The following RAB27B variants were observed in gnomAD, a reference collection of about 807,000 sequenced individuals.
RAB27B encodes ras-related protein Rab-27B.
Under a neutral mutation model 24.6 loss-of-function variants are expected in RAB27B, and 15 were observed. The ratio of observed to expected loss-of-function variants is 0.61; its 90% CI spans 0.41 to 0.94. The LOEUF (loss-of-function observed/expected upper bound fraction) is 0.94, where lower values mean the gene tolerates loss of function less well. Among genes scored for constraint, RAB27B ranks in the 40% least tolerant of loss-of-function variants. The pLI, the probability that RAB27B is intolerant of heterozygous loss-of-function variation, is 0.00. For synonymous variants in RAB27B, 105 were observed against 92.5 expected, an observed-to-expected ratio of 1.14 and a Z score of -0.78; for missense variants, 261 against 266.8, an observed-to-expected ratio of 0.98 and a Z score of 0.15.
intron 2 of RAB27B, among the ~76,000 whole-genome samples, chr18:54,794,679 T>C (rs1031045593): frequency 6.6e-6 from 1 of 152,218 alleles, no homozygotes; most frequent in African/African-American, 2.4e-5. Context: ...CCAGCTTTTT[T>C]TGAAGAAGGA....
At chr18:54,858,874 G>A (rs766733863) in intron 1 of RAB27B, among the ~76,000 whole-genome samples, 13 of 152,266 alleles carry the variant, frequency 8.5e-5, no homozygotes, top group South Asian at 4.1e-4. Context: ...AGACTGGACC[G>A]TCAATAAACT....
At chr18:54,846,078 G>A (rs1253983337) in intron 1 of RAB27B, among the ~76,000 whole-genome samples, 1 of 152,084 alleles carries the variant, frequency 6.6e-6, no homozygotes, top group Non-Finnish European at 1.5e-5. Context: ...TTCGAGTGGT[G>A]GTTTCTCTGT....
intron 2 of RAB27B, among the ~76,000 whole-genome samples, chr18:54,741,103 T>C (rs1910058229): frequency 6.6e-6 from 1 of 152,212 alleles, no homozygotes; most frequent in Non-Finnish European, 1.5e-5. Flanking sequence ...GGTATCACAA[T>C]AATTTTCAAA....
At chr18:54,727,790 T>A (rs1325078524) in intron 2 of RAB27B, among the ~76,000 whole-genome samples, 1 of 152,230 alleles carries the variant, frequency 6.6e-6, no homozygotes, top group South Asian at 2.1e-4. Flanking sequence ...TATAGTTATA[T>A]GTTTCGTTTC....
intron 2 of RAB27B, among the ~76,000 whole-genome samples, chr18:54,721,318 G>T (rs890601271): frequency 6.6e-6 from 1 of 152,104 alleles, no homozygotes; most frequent in African/African-American, 2.4e-5. Flanking sequence ...CATGGGAGAC[G>T]ATTAATATAC....
intron 2 of RAB27B, among the ~76,000 whole-genome samples, chr18:54,878,256 T>C (rs1912784319): frequency 6.6e-6 from 1 of 152,182 alleles, no homozygotes; most frequent in South Asian, 2.1e-4. Flanking sequence ...CATGCTGTTT[T>C]CCAAGATAAG....
intron 2 of RAB27B, among the ~76,000 whole-genome samples, chr18:54,805,906 C>A (rs931278228): frequency 3.9e-5 from 6 of 152,006 alleles, no homozygotes; most frequent in African/African-American, 1.2e-4. Context: ...ATGCAAGTAC[C>A]ACTCCATCAA....
At chr18:54,856,338 G>T (rs947896786) in intron 1 of RAB27B, among the ~76,000 whole-genome samples, 1 of 152,192 alleles carries the variant, frequency 6.6e-6, no homozygotes, top group Non-Finnish European at 1.5e-5. Flanking sequence ...TAACAAAGAG[G>T]GCAAAGAGTA....
intron 2 of RAB27B, among the ~76,000 whole-genome samples, chr18:54,724,018 C>G (rs1481301330): frequency 6.6e-6 from 1 of 151,928 alleles, no homozygotes; most frequent in Non-Finnish European, 1.5e-5. Context: ...AAAATGTGTG[C>G]TCTTTAGGGA....
chr18:54,763,809 C>G (rs897824416), intron 2 of RAB27B, among the ~76,000 whole-genome samples: 2 of 152,160 alleles, frequency 1.3e-5, no homozygotes, highest in African/African-American at 4.8e-5. Flanking sequence ...CAATTCAGGA[C>G]TCCAGCAAGT....
chr18:54,725,418 C>T (rs1028578428), intron 2 of RAB27B, among the ~76,000 whole-genome samples: 2 of 151,438 alleles, frequency 1.3e-5, no homozygotes, highest in South Asian at 2.1e-4. Context: ...TTACTTACCT[C>T]ATTGAAATTC....
At chr18:54,827,772 C>T (rs1910523119), upstream of RAB27B, among the ~76,000 whole-genome samples, 1 of 152,142 alleles carries the variant, frequency 6.6e-6, no homozygotes, top group Admixed American at 6.5e-5. Context: ...CCTTTACTAC[C>T]AGTCTGTAAA....
chr18:54,734,071 A>G (rs1909814995), intron 2 of RAB27B, among the ~76,000 whole-genome samples: 1 of 152,332 alleles, frequency 6.6e-6, no homozygotes, highest in Middle Eastern at 3.4e-3. Flanking sequence ...GGTTCCCTAT[A>G]TACTTACTAA....
At chr18:54,856,625 C>T (rs545078944) in intron 1 of RAB27B, among the ~76,000 whole-genome samples, 2 of 152,292 alleles carry the variant, frequency 1.3e-5, no homozygotes, top group East Asian at 3.9e-4. Context: ...AAAGTGGGTG[C>T]CACTAACAGA....
intron 2 of RAB27B, among the ~76,000 whole-genome samples, chr18:54,738,430 C>T (rs961096351): frequency 6.6e-6 from 1 of 152,076 alleles, no homozygotes; most frequent in African/African-American, 2.4e-5. Context: ...AATCAGTTCT[C>T]GTGAGATCTG....
At chr18:54,756,454 C>T (rs1908008801) in intron 2 of RAB27B, among the ~76,000 whole-genome samples, 1 of 152,126 alleles carries the variant, frequency 6.6e-6, no homozygotes, top group African/African-American at 2.4e-5. Context: ...TGCTTTTCTA[C>T]CATGTTTTTT....
intron 1 of RAB27B, among the ~76,000 whole-genome samples, chr18:54,841,687 T>C (rs1911127394): frequency 6.6e-6 from 1 of 152,120 alleles, no homozygotes; most frequent in Non-Finnish European, 1.5e-5. Flanking sequence ...TATAAATAAC[T>C]GTAGGTTCAG....
intron 1 of RAB27B, among the ~76,000 whole-genome samples, chr18:54,835,011 A>G (rs1388955361): frequency 6.6e-6 from 1 of 151,966 alleles, no homozygotes; most frequent in Non-Finnish European, 1.5e-5. Context: ...TGCCCAATCT[A>G]ACTTAGGCAA....
At chr18:54,785,951 T>C (rs1024411206) in intron 2 of RAB27B, among the ~76,000 whole-genome samples, 2 of 152,176 alleles carry the variant, frequency 1.3e-5, no homozygotes, top group Admixed American at 1.3e-4. Flanking sequence ...GTTTTAAGCA[T>C]TGGAAATGGG....
Sources: allele counts gnomAD v4.1 joint callset (sites outside exome capture counted in the v4.1 genomes callset), GRCh38; gene constraint gnomAD v4.1.1; transcripts MANE v1.5; gene names NCBI Gene and HGNC (gene_info 2026-07-23, HGNC 2026-07-21).